The following NOL4 variants were observed in gnomAD, a reference collection of about 807,000 sequenced individuals.
The protein encoded by NOL4 is cancer/testis antigen 125.
A neutral mutation model predicts 75.9 loss-of-function variants in NOL4; 17 were observed. That is an observed-to-expected ratio of 0.22 (90% CI 0.15 to 0.34). NOL4 has a LOEUF of 0.34. Among genes scored for constraint, NOL4 ranks in the 10% least tolerant of loss-of-function variants. The pLI is 1.00. For synonymous variants in NOL4, 292 were observed against 289.9 expected, an observed-to-expected ratio of 1.01 and a Z score of -0.07; for missense variants, 614 against 793.5, an observed-to-expected ratio of 0.77 and a Z score of 2.72.
intron 10 of NOL4, among the ~76,000 whole-genome samples, chr18:33,854,584 G>C (rs2062758707): frequency 6.6e-6 from 1 of 151,926 alleles, no homozygotes; most frequent in Non-Finnish European, 1.5e-5. Flanking sequence ...GATTAAAAAG[G>C]CATTATAACA....
At chr18:33,960,817 T>C (rs1475485201) in intron 6 of NOL4, among the ~76,000 whole-genome samples, 1 of 152,162 alleles carries the variant, frequency 6.6e-6, no homozygotes, top group Non-Finnish European at 1.5e-5. Context: ...TATGAGGTTA[T>C]TGTTATAATA....
intron 6 of NOL4, among the ~76,000 whole-genome samples, chr18:33,961,710 T>C (rs2070141292): frequency 6.6e-6 from 1 of 150,796 alleles, no homozygotes; most frequent in Admixed American, 6.6e-5. Context: ...CTGAGAAGAG[T>C]GGTAGAGAAG....
intron 1 of NOL4, 154 bp downstream of exon 1, chr18:34,222,836 C>T (rs1032964031): frequency 3.2e-6 from 3 of 945,398 alleles, no homozygotes; most frequent in Non-Finnish European, 1.6e-6. Flanking sequence ...CTGGCTAATG[C>T]GAGTGGGGAC....
At chr18:33,874,878 C>T (rs937160734) in intron 10 of NOL4, among the ~76,000 whole-genome samples, 1 of 151,942 alleles carries the variant, frequency 6.6e-6, no homozygotes, top group Non-Finnish European at 1.5e-5. Flanking sequence ...AGGCTCATAA[C>T]TAAAGGACCT....
intron 1 of NOL4, among the ~76,000 whole-genome samples, chr18:34,188,302 G>A (rs1260654924): frequency 6.6e-6 from 1 of 152,158 alleles, no homozygotes; most frequent in East Asian, 1.9e-4. Context: ...GGCAAATTCA[G>A]TCTCAGGGGT....
At chr18:33,857,754 T>A (rs938561628) in intron 10 of NOL4, among the ~76,000 whole-genome samples, 14 of 152,116 alleles carry the variant, frequency 9.2e-5, no homozygotes, top group African/African-American at 3.4e-4. Flanking sequence ...GTTTTAACCA[T>A]GAATGAAATA....
intron 1 of NOL4, among the ~76,000 whole-genome samples, chr18:34,187,733 A>T (rs2034600240): frequency 6.6e-6 from 1 of 152,162 alleles, no homozygotes; most frequent in South Asian, 2.1e-4. Context: ...TGGCTATACC[A>T]GTTTATTTAG....
chr18:34,179,173 T>C (rs746812908), intron 1 of NOL4, among the ~76,000 whole-genome samples: 2 of 151,592 alleles, frequency 1.3e-5, no homozygotes, highest in Non-Finnish European at 3.0e-5. Context: ...TCAAAACTTA[T>C]AGGATGCAGC....
chr18:33,966,987 T>G (rs1338092875), intron 6 of NOL4, among the ~76,000 whole-genome samples: 1 of 152,132 alleles, frequency 6.6e-6, no homozygotes, highest in East Asian at 1.9e-4. Flanking sequence ...TATTCTAAAA[T>G]TCATATAGAA....
intron 1 of NOL4, among the ~76,000 whole-genome samples, chr18:34,142,579 G>A (rs2081217868): frequency 6.6e-6 from 1 of 152,002 alleles, no homozygotes; most frequent in African/African-American, 2.4e-5. Flanking sequence ...ACTATCGCAA[G>A]GACAAAAAAC....
chr18:34,123,959 A>G (rs2080269855), intron 2 of NOL4, among the ~76,000 whole-genome samples: 2 of 152,072 alleles, frequency 1.3e-5, no homozygotes, highest in South Asian at 4.1e-4. Flanking sequence ...TAAATTATTA[A>G]TGAGTTCAAT....
At chr18:33,922,194 T>C (rs1465977267) in intron 9 of NOL4, among the ~76,000 whole-genome samples, 2 of 152,194 alleles carry the variant, frequency 1.3e-5, no homozygotes, top group African/African-American at 2.4e-5. Context: ...CTGTTACAAT[T>C]TTGAGTCACC....
chr18:33,984,862 A>T (rs6507074), intron 6 of NOL4, among the ~76,000 whole-genome samples: 106,163 of 151,966 alleles, frequency 0.7, 37,541 homozygotes, highest in African/African-American at 0.79. Context: ...TGAATTCTAC[A>T]TTTTTTCGAC....
chr18:33,893,932 A>T (rs1415513817), intron 9 of NOL4, among the ~76,000 whole-genome samples: 1 of 152,122 alleles, frequency 6.6e-6, no homozygotes, highest in East Asian at 1.9e-4. Flanking sequence ...TGAAGGCCTC[A>T]GTTTGCCTTT....
At chr18:33,862,707 T>G (rs376946781) in intron 10 of NOL4, among the ~76,000 whole-genome samples, 155 of 152,176 alleles carry the variant, frequency 1.0e-3, no homozygotes, top group African/African-American at 3.6e-3. Context: ...AATGCAAATC[T>G]AAACCACAAT....
intron 9 of NOL4, among the ~76,000 whole-genome samples, chr18:33,900,118 T>C (rs550621461): frequency 1.3e-5 from 2 of 152,252 alleles, no homozygotes; most frequent in South Asian, 2.1e-4. Flanking sequence ...ATTTGGCTAA[T>C]GGTTTTGCAT....
At chr18:34,049,359 T>C (rs1330197983) in intron 5 of NOL4, among the ~76,000 whole-genome samples, 2 of 152,034 alleles carry the variant, frequency 1.3e-5, no homozygotes, top group Admixed American at 6.6e-5. Context: ...TCATACGTTA[T>C]TTTCAAACAT....
chr18:33,943,245 C>T (rs2068617015), intron 8 of NOL4, 67 bp from the exon 9 acceptor site: 2 of 969,308 alleles, frequency 2.1e-6, no homozygotes, highest in East Asian at 5.0e-5. Context: ...CAATGCTATT[C>T]TCAGAAGAGC....
intron 1 of NOL4, among the ~76,000 whole-genome samples, chr18:34,209,872 T>C (rs556170325): frequency 6.6e-6 from 1 of 152,302 alleles, no homozygotes; most frequent in Non-Finnish European, 1.5e-5. Context: ...CTTATGGATA[T>C]AAATATTTTC....
Sources: allele counts gnomAD v4.1 joint callset (sites outside exome capture counted in the v4.1 genomes callset), GRCh38; gene constraint gnomAD v4.1.1; transcripts MANE v1.5; gene names NCBI Gene and HGNC (gene_info 2026-07-23, HGNC 2026-07-21).